DGKG: variants seen among roughly 807,000 people sequenced by gnomAD.
DGKG encodes DAG kinase gamma.
DGKG carries 78 observed loss-of-function variants against 105.3 expected under a neutral mutation model. The observed-to-expected ratio is 0.74, with a 90% CI of 0.62 to 0.89. The LOEUF (loss-of-function observed/expected upper bound fraction) is 0.89, where lower values mean the gene tolerates loss of function less well. DGKG is among the 40% of genes least tolerant of loss of function. The pLI is 0.00. For synonymous variants in DGKG, 346 were observed against 367.1 expected (o/e 0.94, Z 0.66); for missense variants, 958 against 1,020.1 (o/e 0.94, Z 0.83).
At chr3:186,150,317 T>TTC in intron 24 of DGKG, 129 bp from the exon 25 acceptor site, 4 of 1,244,300 alleles carry the variant, frequency 3.2e-6, no homozygotes, top group African/African-American at 1.5e-5. Context: ...ACAACTGTCC[T>TTC]TGAACGGCTT....
At chr3:186,266,289 GTTTTTACTCTA>G (rs1035495623) in intron 13 of DGKG, among the ~76,000 whole-genome samples, 1 of 152,134 alleles carries the variant, frequency 6.6e-6, no homozygotes, top group African/African-American at 2.4e-5. Flanking sequence ...GATTCTCCAT[GTTTTTACTCTA>G]TGCATAGTTT....
chr3:186,229,981 T>C lies in DGKG; in HGVS notation c.1826+12523A>G, dbSNP rs554542383. Reference sequence around the variant, plus strand: ...TGTGTCAAAAACACTGGAGATGGGCTGGGCGCGGTGGCTCACGCCTGTAAT... The same window carrying C: ...TGTGTCAAAAACACTGGAGATGGGCCGGGCGCGGTGGCTCACGCCTGTAAT... On this transcript the variant is annotated intron_variant, in intron 20 of 24. Transcript: ENST00000265022. Among the ~76,000 whole-genome samples, 6 of 152,074 alleles carry C rather than the reference T, an allele frequency of 3.9e-5. No homozygotes were observed. The South Asian group carries it at 8.3e-4, about 21-fold the overall frequency.
In DGKG at chr3:186,288,754, T is replaced by C. The variant is rs756348612; in HGVS notation, c.500A>G (p.Tyr167Cys). Residue 167 changes from tyrosine (Y) to cysteine (C), a missense_variant, in exon 6 of 25, where the codon TAC (tyrosine) becomes TGC (cysteine). Physicochemically the swap from Tyr to Cys is radical, Grantham distance 194. Coordinates refer to ENST00000265022, the MANE Select transcript of DGKG (RefSeq NM_001346.3). ...PVVYLKDVVC[Y>C]LSLLETGRPQ... ...CCTCCCCGTCTCCAGCAGGGACAGG[T>C]AGCACACAACATCCTTCAGGTATAC... The C allele has an allele frequency of 1.2e-6, 2 of 1,614,138 alleles. No individual in the cohort carries two copies. The highest frequency in any genetic ancestry group is 1.7e-6 in the Non-Finnish European group (2 of 1,180,006).
At position 186,147,428 on chromosome 3, in the gene DGKG, G is replaced by T. The variant is rs987508430; in HGVS notation, c.*2662C>A. 1 of 983,292 alleles carries T rather than the reference G, an allele frequency of 1.0e-6. No individual in the cohort carries two copies. The highest frequency in any genetic ancestry group is 1.2e-6 in the Non-Finnish European group (1 of 827,870). The allele number at this position is 983,292 out of a possible 1,614,324, so 60.9% of individuals were successfully genotyped here. ...GCTAACCTCAGAGGTTGCTATGAGG[G>T]TCACTATGATGAGGGACTCCACCAC... On this transcript the variant is annotated 3_prime_UTR_variant, in exon 25 of 25. Transcript: ENST00000265022.
chr3:186,302,074 A>C (rs1434114915), intron 3 of DGKG, among the ~76,000 whole-genome samples: 1 of 152,020 alleles, frequency 6.6e-6, no homozygotes, highest in East Asian at 1.9e-4. Context: ...TTTTTCCAGA[A>C]AGCCTTATGA....
In DGKG at chr3:186,298,248, G is replaced by C; in HGVS notation, c.145-19C>G. The C allele has an allele frequency of 6.4e-7, 1 of 1,570,266 alleles. No individual in the cohort carries two copies. Among genetic ancestry groups the C allele is most frequent in the East Asian group, 2.3e-5 (1 of 43,958 alleles). On this transcript the variant is annotated intron_variant, in intron 3 of 24. Transcript: ENST00000265022. ...TAATCGGCTGAGAAGGGGCAAAAGGGCAAAGTCAGTGGAGAGAAGCAAAGG... is the reference window on the plus strand; with the variant it reads ...TAATCGGCTGAGAAGGGGCAAAAGGCCAAAGTCAGTGGAGAGAAGCAAAGG...
Position 186,251,937 on chromosome 3 carries a change from G to C in DGKG, c.1601-18C>G. The stretch of plus-strand genomic sequence containing the variant: ...TTCATAACCTGTGGAGGACAGCACT[G>C]CATTTGCCACCACAGCAGAAAGGCT... On this transcript the variant is annotated intron_variant, in intron 18 of 24. Coordinates refer to ENST00000265022, the MANE Select transcript of DGKG (RefSeq NM_001346.3). 4 of 1,530,900 alleles carry C rather than the reference G, an allele frequency of 2.6e-6. No homozygotes were observed. Among genetic ancestry groups the C allele is most frequent in the Non-Finnish European group, 2.6e-6 (3 of 1,137,472 alleles). The allele number at this position is 1,530,900 out of a possible 1,614,324, so 94.8% of individuals were successfully genotyped here. A position where few individuals can be genotyped will look rare whatever the true frequency, so the allele number is the denominator to read the frequency against.
At chr3:186,167,750 A>G (rs909972238) in intron 22 of DGKG, among the ~76,000 whole-genome samples, 1 of 147,112 alleles carries the variant, frequency 6.8e-6, no homozygotes, top group African/African-American at 2.6e-5. Flanking sequence ...GCACCTTAGT[A>G]AAACAGGAAT....
intron 21 of DGKG, among the ~76,000 whole-genome samples, chr3:186,191,634 T>C (rs897243797): frequency 1.1e-4 from 17 of 152,252 alleles, no homozygotes; most frequent in African/African-American, 4.1e-4. Context: ...AATGGCACAG[T>C]CCTGTTGAGC....
At chr3:186,238,515 C>T (rs1163618151) in intron 20 of DGKG, among the ~76,000 whole-genome samples, 1 of 152,042 alleles carries the variant, frequency 6.6e-6, no homozygotes, top group African/African-American at 2.4e-5. Flanking sequence ...CGACGATTTC[C>T]TTGAAGGCAG....
chr3:186,151,519 A>G (rs1715758389), intron 24 of DGKG, among the ~76,000 whole-genome samples: 1 of 152,174 alleles, frequency 6.6e-6, no homozygotes, highest in African/African-American at 2.4e-5. Context: ...ATGAAAAGGG[A>G]GTGGGTAGAG....
At chr3:186,303,962 C>T (rs1724099765) in intron 3 of DGKG, among the ~76,000 whole-genome samples, 1 of 152,252 alleles carries the variant, frequency 6.6e-6, no homozygotes, top group Admixed American at 6.5e-5. Context: ...TGACATTACA[C>T]CTACTAGAAG....
At chr3:186,349,480 C>T (rs557656230) in intron 1 of DGKG, among the ~76,000 whole-genome samples, 55 of 152,186 alleles carry the variant, frequency 3.6e-4, no homozygotes, top group Non-Finnish European at 7.3e-4. Context: ...TTGATAGTTC[C>T]TGCTATATCC....
intron 1 of DGKG, among the ~76,000 whole-genome samples, chr3:186,359,158 A>G (rs1338014049): frequency 6.6e-6 from 1 of 152,088 alleles, no homozygotes; most frequent in Non-Finnish European, 1.5e-5. Context: ...TGCTTGAACT[A>G]TGGCCGAGTT....
Position 186,149,188 on chromosome 3 carries a change from T to TC in DGKG, c.*901dup. The TC allele has an allele frequency of 1.0e-6, 1 of 984,158 alleles. No individual in the cohort carries two copies. Among genetic ancestry groups the TC allele is most frequent in the South Asian group, 4.7e-5 (1 of 21,250 alleles). The allele number at this position is 984,158 out of a possible 1,614,324, so 61.0% of individuals were successfully genotyped here. On this transcript the variant is annotated 3_prime_UTR_variant, in exon 25 of 25. Transcript: ENST00000265022. ...ATAGTCTGCCACCAGGGCTTGGAAC[T>TC]CAAACAGGAAACACGCTTTGGCTTG...
At chr3:186,328,624 G>A (rs1343271064) in intron 1 of DGKG, among the ~76,000 whole-genome samples, 1 of 148,300 alleles carries the variant, frequency 6.7e-6, no homozygotes, top group Non-Finnish European at 1.5e-5. Flanking sequence ...CGCCCAGACT[G>A]GAGTGTTGTG....
chr3:186,293,973 A>G (rs1166901879), intron 5 of DGKG, among the ~76,000 whole-genome samples: 1 of 152,210 alleles, frequency 6.6e-6, no homozygotes, highest in Non-Finnish European at 1.5e-5. Context: ...AGATAAAAAA[A>G]TGCTGTATAC....
chr3:186,307,410 G>T (rs1279131230), intron 2 of DGKG, among the ~76,000 whole-genome samples: 1 of 152,130 alleles, frequency 6.6e-6, no homozygotes, highest in East Asian at 1.9e-4. Context: ...ACTCTCTCAT[G>T]ATGTTTCTTC....
rs376646378 is a variant in DGKG, at chr3:186,267,752, G to C, written c.1142C>G (p.Thr381Arg). The change falls in exon 13 of 25, where the codon ACG (threonine) becomes AGG (arginine). Residue 381 changes from threonine to arginine, a missense_variant. Thr to Arg is a moderately conservative substitution (Grantham distance 71). This residue lies in a region of DGKG where 643 missense variants were observed against 619.5 expected (regional missense o/e 1.04). Coordinates refer to ENST00000265022, the MANE Select transcript of DGKG (RefSeq NM_001346.3). ...TCTGAGTTCCCCACCGTCACACAAC[G>C]TTGATAATTCACATTTGCGGTGAAA... is the stretch of plus-strand genomic sequence containing the variant. The part of the protein sequence containing the change: ...MTFHRKCELS[T>R]LCDGGELRDH... 5 of 1,613,864 alleles carry C rather than the reference G, an allele frequency of 3.1e-6. No individual in the cohort carries two copies. Among genetic ancestry groups the C allele is most frequent in the Non-Finnish European group, 3.4e-6 (4 of 1,179,906 alleles).
Sources: gnomAD v4.1 joint callset for allele counts (sites outside exome capture counted in the v4.1 genomes callset) on GRCh38, gnomAD v4.1.1 for gene constraint, gnomAD v4.1.1 regional missense constraint, MANE v1.5 for transcripts, NCBI Gene and HGNC (gene_info 2026-07-23, HGNC 2026-07-21) for gene names.